Variants in NOPCHAP1 observed in about 807,000 individuals in gnomAD.
NOPCHAP1 encodes the protein DNA damage-sensitive RNA 1.
Under a neutral mutation model 14.0 loss-of-function variants are expected in NOPCHAP1, and 13 were observed. That is an observed-to-expected ratio of 0.93 (90% CI 0.60 to 1.47). The LOEUF (loss-of-function observed/expected upper bound fraction) is 1.47, where lower values mean the gene tolerates loss of function less well. Ranked by LOEUF, NOPCHAP1 falls within the 40% of genes most tolerant of loss-of-function variation. NOPCHAP1 has a pLI of 0.00. For missense variants in NOPCHAP1, 230 were observed against 226.9 expected, an observed-to-expected ratio of 1.01 and a Z score of -0.09; for synonymous variants, 78 against 78.4, an observed-to-expected ratio of 1.00 and a Z score of 0.03.
rs1175549509 is a variant in NOPCHAP1, at chr12:105,006,672, A to T, written c.*11976A>T. 6.6e-6 allele frequency: 1 copy of T among 152,178 alleles called. No homozygotes were observed. Among genetic ancestry groups the T allele is most frequent in the African/African-American group, 2.4e-5 (1 of 41,448 alleles). 9.4% of individuals were successfully genotyped at this position (152,178 alleles called of 1,614,324 possible). ...AGCCTTATAGATAAGGGCAGTCCTG[A>T]TCATAAATCTAATTGCATTTGCACA... On this transcript the variant is annotated 3_prime_UTR_variant, in exon 4 of 4. Transcript: ENST00000552951.
Position 104,994,649 on chromosome 12 carries a change from G to T in NOPCHAP1, c.511G>T (p.Gly171Cys). 1 of 1,613,708 alleles carries T rather than the reference G, an allele frequency of 6.2e-7. No homozygotes were observed. The highest frequency in any genetic ancestry group is 1.1e-5 in the South Asian group (1 of 90,884). ...GCTTCCCAATTCTGAAGGTGGAAAA[G>T]GCAAGATTGAAGTTTTGGACAGTCC... ...IKLPNSEGGK[G>C]KIEVLDSPAS... Residue 171 changes from glycine (G) to cysteine (C), a missense_variant, in exon 4 of 4, where the codon GGC becomes TGC. Coordinates refer to ENST00000552951, the MANE Select transcript of NOPCHAP1 (RefSeq NM_152318.3).
Position 104,986,352 on chromosome 12 carries a change from C to T in NOPCHAP1, c.-1C>T. ...CCTGAGAGTGCAGGCTTGAGGGAAG[C>T]ATGGAGGTCCATGGCAAGCCCAAGG... On this transcript the variant is annotated 5_prime_UTR_variant, in exon 1 of 4. Coordinates refer to ENST00000552951, the MANE Select transcript of NOPCHAP1 (RefSeq NM_152318.3). 3.7e-6 allele frequency: 6 copies of T among 1,606,396 alleles called. No individual in the cohort carries two copies. The highest frequency in any genetic ancestry group is 4.2e-6 in the Non-Finnish European group (5 of 1,176,474).
In NOPCHAP1 at chr12:105,007,448, T is replaced by C. The variant is rs953779185; in HGVS notation, c.*12752T>C. ...ACTTTTCTCTGCTTCTTGGAAGAAA[T>C]TCCAACATCACTAGTAGCACTTTAT... On this transcript the variant is annotated 3_prime_UTR_variant, in exon 4 of 4. Transcript: ENST00000552951. The C allele has an allele frequency of 2.0e-5, 3 of 152,192 alleles. No homozygotes were observed. The highest frequency in any genetic ancestry group is 7.2e-5 in the African/African-American group (3 of 41,448). 9.4% of individuals were successfully genotyped at this position (152,192 alleles called of 1,614,324 possible). A position where few individuals can be genotyped will look rare whatever the true frequency, so the allele number is the denominator to read the frequency against.
intron 2 of NOPCHAP1, among the ~76,000 whole-genome samples, chr12:104,990,873 G>T (rs1420926932): frequency 6.6e-6 from 1 of 152,148 alleles, no homozygotes; most frequent in Non-Finnish European, 1.5e-5. Context: ...TTTATTGGGG[G>T]AAAAATACTC....
Position 105,005,088 on chromosome 12 carries a change from G to T in NOPCHAP1, c.*10392G>T, listed in dbSNP as rs1873681956. The T allele has an allele frequency of 6.6e-6, 1 of 152,084 alleles. No individual in the cohort carries two copies. Among genetic ancestry groups the T allele is most frequent in the African/African-American group, 2.4e-5 (1 of 41,374 alleles). 9.4% of individuals were successfully genotyped at this position (152,084 alleles called of 1,614,324 possible). ...AGAGGGGTTGGCACAGGTGGAAGAG[G>T]TATAGAAGAAGAAGGCATACTCATT... On this transcript the variant is annotated 3_prime_UTR_variant, in exon 4 of 4. Coordinates refer to ENST00000552951, the MANE Select transcript of NOPCHAP1 (RefSeq NM_152318.3).
intron 1 of NOPCHAP1, 21 bp downstream of exon 1, chr12:104,986,488 G>T: frequency 4.5e-6 from 7 of 1,573,010 alleles, no homozygotes; most frequent in Non-Finnish European, 3.5e-6. Context: ...GGTGACGGCG[G>T]CATGGGCCGC....
At position 105,007,912 on chromosome 12, in the gene NOPCHAP1, G is replaced by A. The variant is rs1873739004; in HGVS notation, c.*13216G>A. 1 of 152,218 alleles carries A rather than the reference G, an allele frequency of 6.6e-6. No individual in the cohort carries two copies. The highest frequency in any genetic ancestry group is 2.1e-4 in the South Asian group (1 of 4,832). The allele number at this position is 152,218 out of a possible 1,614,324, so 9.4% of individuals were successfully genotyped here. On this transcript the variant is annotated 3_prime_UTR_variant, in exon 4 of 4. Coordinates refer to ENST00000552951, the MANE Select transcript of NOPCHAP1 (RefSeq NM_152318.3). ...TTCTTTATCTAGTCTATCACTGATG[G>A]GCATTTGGGTTGGTTCCAAGTCTTT...
rs367572505 is a variant in NOPCHAP1 at position 105,004,010 on chromosome 12, A to T, written c.*9314A>T. ...TTGCAGTTTGTTATATAGGAACTAC[A>T]AGTACCAAGGGAGTCTCAGGCTAAT... On this transcript the variant is annotated 3_prime_UTR_variant, in exon 4 of 4. Coordinates refer to ENST00000552951, the MANE Select transcript of NOPCHAP1 (RefSeq NM_152318.3). The T allele has an allele frequency of 1.3e-5, 2 of 152,224 alleles. No homozygotes were observed. The highest frequency in any genetic ancestry group is 6.5e-5 in the Admixed American group (1 of 15,288). The allele number at this position is 152,224 out of a possible 1,614,324, so 9.4% of individuals were successfully genotyped here. A position where few individuals can be genotyped will look rare whatever the true frequency, so the allele number is the denominator to read the frequency against.
Position 105,003,041 on chromosome 12 carries a change from A to T in NOPCHAP1, c.*8345A>T, listed in dbSNP as rs1481857805. The T allele has an allele frequency of 6.6e-6, 1 of 152,220 alleles. No homozygotes were observed. The highest frequency in any genetic ancestry group is 1.5e-5 in the Non-Finnish European group (1 of 68,052). 9.4% of individuals were successfully genotyped at this position (152,220 alleles called of 1,614,324 possible). A position where few individuals can be genotyped will look rare whatever the true frequency, so the allele number is the denominator to read the frequency against. ...ACAAAACAGGTTTGAATCAGTCAAG[A>T]TACAGTCTTTTTTTGTATCATCCTT... is the stretch of plus-strand genomic sequence containing the variant. On this transcript the variant is annotated 3_prime_UTR_variant, in exon 4 of 4. Transcript: ENST00000552951.
chr12:105,000,768 T>A lies in NOPCHAP1; in HGVS notation c.*6072T>A, dbSNP rs1184008914. 2 of 152,030 alleles carry A rather than the reference T, an allele frequency of 1.3e-5. No individual in the cohort carries two copies. Among genetic ancestry groups the A allele is most frequent in the African/African-American group, 4.8e-5 (2 of 41,394 alleles). The allele number at this position is 152,030 out of a possible 1,614,324, so 9.4% of individuals were successfully genotyped here. A position where few individuals can be genotyped will look rare whatever the true frequency, so the allele number is the denominator to read the frequency against. On this transcript the variant is annotated 3_prime_UTR_variant, in exon 4 of 4. Coordinates refer to ENST00000552951, the MANE Select transcript of NOPCHAP1 (RefSeq NM_152318.3). ...CAGATTGTGAAATGCTTGGTTGTCC[T>A]CCATTGATAGATCGTGAAAGGCTTT...
rs1873730807 is a variant in NOPCHAP1, at chr12:105,007,504, T to G, written c.*12808T>G. 2 of 152,204 alleles carry G rather than the reference T, an allele frequency of 1.3e-5. No individual in the cohort carries two copies. Among genetic ancestry groups the G allele is most frequent in the South Asian group, 4.1e-4 (2 of 4,836 alleles). The allele number at this position is 152,204 out of a possible 1,614,324, so 9.4% of individuals were successfully genotyped here. ...TCCTACCTATGGTGTTATTCAAGGT[T>G]TACAATATTGCACTAAAGACGAAGA... On this transcript the variant is annotated 3_prime_UTR_variant, in exon 4 of 4. Coordinates refer to ENST00000552951, the MANE Select transcript of NOPCHAP1 (RefSeq NM_152318.3).
rs891989833 is a variant in NOPCHAP1 at position 104,995,072 on chromosome 12, T to A, written c.*376T>A. ...GGTCTGATCTAAGGAGATCTAAGGC[T>A]GCCTTGTCCGATGGGCTGAGGCTTG... is the stretch of plus-strand genomic sequence containing the variant. On this transcript the variant is annotated 3_prime_UTR_variant, in exon 4 of 4. Coordinates refer to ENST00000552951, the MANE Select transcript of NOPCHAP1 (RefSeq NM_152318.3). The A allele has an allele frequency of 4.4e-6, 1 of 229,830 alleles. No individual in the cohort carries two copies. The highest frequency in any genetic ancestry group is 2.4e-5 in the African/African-American group (1 of 41,952). The allele number at this position is 229,830 out of a possible 1,614,324, so 14.2% of individuals were successfully genotyped here. A position where few individuals can be genotyped will look rare whatever the true frequency, so the allele number is the denominator to read the frequency against.
Position 105,017,136 on chromosome 12 carries a change from T to C in NOPCHAP1, c.*22440T>C, listed in dbSNP as rs1195539563. On this transcript the variant is annotated 3_prime_UTR_variant, in exon 4 of 4. Transcript: ENST00000552951. ...CATTTTAATTGCGCATCAAATATGG[T>C]ACTTATTTTTAAAAACTGCCTAGCA... 2 of 152,164 alleles carry C rather than the reference T, an allele frequency of 1.3e-5. No homozygotes were observed. The highest frequency in any genetic ancestry group is 2.9e-5 in the Non-Finnish European group (2 of 68,034). 9.4% of individuals were successfully genotyped at this position (152,164 alleles called of 1,614,324 possible).
At chr12:104,993,913 A>G (rs1439513705) in intron 3 of NOPCHAP1, among the ~76,000 whole-genome samples, 1 of 152,264 alleles carries the variant, frequency 6.6e-6, no homozygotes, top group African/African-American at 2.4e-5. Context: ...TTGCTGAAAG[A>G]ATGTTGTTGA....
chr12:104,995,026 T>C lies in NOPCHAP1; in HGVS notation c.*330T>C, dbSNP rs1873469472. On this transcript the variant is annotated 3_prime_UTR_variant, in exon 4 of 4. Coordinates refer to ENST00000552951, the MANE Select transcript of NOPCHAP1 (RefSeq NM_152318.3). The stretch of plus-strand genomic sequence containing the variant: ...ATAAGGCAAAGAGGAGACCTAAGGC[T>C]GCCTGATGTCCCATAGGTATGGTCT... 1 of 316,846 alleles carries C rather than the reference T, an allele frequency of 3.2e-6. No individual in the cohort carries two copies. Among genetic ancestry groups the C allele is most frequent in the African/African-American group, 2.3e-5 (1 of 43,508 alleles). 19.6% of individuals were successfully genotyped at this position (316,846 alleles called of 1,614,324 possible).
In NOPCHAP1 at chr12:105,008,569, C is replaced by G. The variant is rs756107292; in HGVS notation, c.*13873C>G. The stretch of plus-strand genomic sequence containing the variant: ...TGAAGTCTCTGCCAATGTCTGTGTC[C>G]TAAATGGTATTGCCTAGGTTTTCTT... On this transcript the variant is annotated 3_prime_UTR_variant, in exon 4 of 4. Transcript: ENST00000552951. 1 of 152,150 alleles carries G rather than the reference C, an allele frequency of 6.6e-6. No homozygotes were observed. The highest frequency in any genetic ancestry group is 1.5e-5 in the Non-Finnish European group (1 of 68,016). 9.4% of individuals were successfully genotyped at this position (152,150 alleles called of 1,614,324 possible). A position where few individuals can be genotyped will look rare whatever the true frequency, so the allele number is the denominator to read the frequency against.
At chr12:104,988,657 A>T (rs1873302883) in intron 2 of NOPCHAP1, among the ~76,000 whole-genome samples, 1 of 152,184 alleles carries the variant, frequency 6.6e-6, no homozygotes, top group South Asian at 2.1e-4. Context: ...TCTCTTTATT[A>T]TTCTGTAGTA....
chr12:104,987,648 G>T (rs1372201377), intron 1 of NOPCHAP1, among the ~76,000 whole-genome samples: 1 of 152,186 alleles, frequency 6.6e-6, no homozygotes, highest in African/African-American at 2.4e-5. Flanking sequence ...AGTGAGAAAT[G>T]AGGCTGGAAA....
In NOPCHAP1 at chr12:104,994,985, C is replaced by T. The variant is rs773696503; in HGVS notation, c.*289C>T. On this transcript the variant is annotated 3_prime_UTR_variant, in exon 4 of 4. Transcript: ENST00000552951. ...ACAGGAATAACTTGATGGGTTACAG[C>T]TAGGTGTTTGCCTAAATAAGGCAAA... 2.7e-6 allele frequency: 1 copy of T among 364,836 alleles called. No individual in the cohort carries two copies. The highest frequency in any genetic ancestry group is 5.0e-6 in the Non-Finnish European group (1 of 198,314). The allele number at this position is 364,836 out of a possible 1,614,324, so 22.6% of individuals were successfully genotyped here.
Sources: gnomAD v4.1 joint callset for allele counts (sites outside exome capture counted in the v4.1 genomes callset) on GRCh38, gnomAD v4.1.1 for gene constraint, MANE v1.5 for transcripts, NCBI Gene and HGNC (gene_info 2026-07-23, HGNC 2026-07-21) for gene names.